SEC23B: variants seen among roughly 807,000 people sequenced by gnomAD.
SEC23B encodes the protein SEC23 homolog B, COPII component, also known as protein transport protein Sec23B.
SEC23B carries 77 observed loss-of-function variants against 104.3 expected under a neutral mutation model. The ratio of observed to expected loss-of-function variants is 0.74; its 90% CI spans 0.61 to 0.89. The LOEUF is 0.89. SEC23B is among the 40% of genes least tolerant of loss of function. The pLI is 0.00. For synonymous variants in SEC23B, 338 were observed against 332.5 expected (o/e 1.02, Z -0.18); for missense variants, 885 against 949.4 (o/e 0.93, Z 0.89).
chr20:18,535,680 T>G lies in SEC23B; in HGVS notation c.1342T>G (p.Trp448Gly). 2 of 1,614,126 alleles carry G rather than the reference T, an allele frequency of 1.2e-6. No homozygotes were observed. The highest frequency in any genetic ancestry group is 1.7e-6 in the Non-Finnish European group (2 of 1,179,980). The change falls in exon 12 of 20, where the codon TGG becomes GGG. Residue 448 changes from tryptophan to glycine, a missense_variant. Coordinates refer to ENST00000650089, the MANE Select transcript of SEC23B (RefSeq NM_006363.6). The part of the protein sequence containing the change: ...NELGVGGTSQ[W>G]KICGLDPTST... ...GCTTGGTGTTGGTGGCACGAGTCAG[T>G]GGAAAATCTGTGGCCTAGATCCTAC...
chr20:18,525,306 G>T (rs1046569641), intron 6 of SEC23B, among the ~76,000 whole-genome samples: 1 of 152,126 alleles, frequency 6.6e-6, no homozygotes, highest in African/African-American at 2.4e-5. Context: ...TTATGACCGG[G>T]TATTCACTTG....
At chr20:18,523,843 C>A (rs1442994615) in intron 4 of SEC23B, among the ~76,000 whole-genome samples, 1 of 151,928 alleles carries the variant, frequency 6.6e-6, no homozygotes, top group Admixed American at 6.6e-5. Flanking sequence ...TAGCTGGGAC[C>A]TTAGGCATAT....
At chr20:18,527,756 C>A in intron 9 of SEC23B, 145 bp downstream of exon 9, 1 of 748,310 alleles carries the variant, frequency 1.3e-6, no homozygotes, top group Non-Finnish European at 2.5e-6. Flanking sequence ...CTGGGGAGGG[C>A]CTGTGGGCTC....
At chr20:18,518,582 GTTTTTTTTT>G (rs57231166) in intron 4 of SEC23B, among the ~76,000 whole-genome samples, 7 of 92,658 alleles carry the variant, frequency 7.6e-5, no homozygotes, top group Non-Finnish European at 1.2e-4. Flanking sequence ...CTGGAAGGAG[GTTTTTTTTT>G]TTTTTTTTTT....
At position 18,526,393 on chromosome 20, in the gene SEC23B, A is replaced by AGAT; in HGVS notation, c.856_857insATG (p.Gly285_Ala286insAsp). 1 of 1,614,130 alleles carries AGAT rather than the reference A, an allele frequency of 6.2e-7. No individual in the cohort carries two copies. Among genetic ancestry groups the AGAT allele is most frequent in the Non-Finnish European group, 8.5e-7 (1 of 1,179,982 alleles). On this transcript the variant is annotated inframe_insertion, in exon 8 of 20. Transcript: ENST00000650089. ...TTTAGGGCACTTTTCCAAACACAGG[A>AGAT]GCCAGGATCATGCTGTTTACTGGAG... is the stretch of plus-strand genomic sequence containing the variant.
At chr20:18,517,632 T>G (rs1459304739) in intron 4 of SEC23B, among the ~76,000 whole-genome samples, 1 of 152,052 alleles carries the variant, frequency 6.6e-6, no homozygotes, top group Non-Finnish European at 1.5e-5. Context: ...GGGGGTGATA[T>G]GGAGAGATTA....
At position 18,537,240 on chromosome 20, in the gene SEC23B, GTATA is replaced by G. The variant is rs1480820771; in HGVS notation, c.1404+1501_1404+1504del. On this transcript the variant is annotated intron_variant, in intron 12 of 19. Transcript: ENST00000650089. ...TTTGACCCAGCCATCCCATTACTGGGTATATACCCAAAGGACTATAAATCATGCT... is the reference window on the plus strand; with the variant it reads ...TTTGACCCAGCCATCCCATTACTGGGTACCCAAAGGACTATAAATCATGCT... 3.3e-5 allele frequency among the ~76,000 whole-genome samples: 5 copies of G among 151,666 alleles called. No individual in the cohort carries two copies. In the East Asian group the frequency reaches 9.7e-4, roughly 29 times the overall value.
chr20:18,539,070 A>G (rs2060262853), intron 12 of SEC23B, among the ~76,000 whole-genome samples: 1 of 146,246 alleles, frequency 6.8e-6, no homozygotes, highest in Non-Finnish European at 1.5e-5. Flanking sequence ...AAAATTAGCC[A>G]CGCATCGTGG....
chr20:18,541,033 C>A (rs866654450), intron 12 of SEC23B, among the ~76,000 whole-genome samples: 1 of 152,240 alleles, frequency 6.6e-6, no homozygotes, highest in East Asian at 1.9e-4. Flanking sequence ...CATCAGTGAT[C>A]TTAGCTAATC....
intron 19 of SEC23B, among the ~76,000 whole-genome samples, chr20:18,557,512 T>G (rs1321926368): frequency 2.0e-5 from 3 of 152,138 alleles, no homozygotes; most frequent in Non-Finnish European, 2.9e-5. Context: ...TCTAGAGACC[T>G]TACCTCCCTT....
At chr20:18,559,075 G>T (rs1416332208) in intron 19 of SEC23B, among the ~76,000 whole-genome samples, 3 of 86,796 alleles carry the variant, frequency 3.5e-5, no homozygotes, top group Admixed American at 1.3e-4. Flanking sequence ...AGGGAAGGTG[G>T]TTGGTGGGGG....
intron 3 of SEC23B, 86 bp downstream of exon 3, chr20:18,512,368 C>A: frequency 1.2e-6 from 1 of 818,634 alleles, no homozygotes; most frequent in South Asian, 1.5e-5. Flanking sequence ...TTTGTGTTTA[C>A]ACTGGCAGTG....
intron 10 of SEC23B, among the ~76,000 whole-genome samples, chr20:18,531,431 C>T (rs1002720514): frequency 3.4e-5 from 5 of 147,186 alleles, no homozygotes; most frequent in Non-Finnish European, 6.0e-5. Flanking sequence ...CCGAGGTGGG[C>T]GGATCACCTG....
intron 13 of SEC23B, 122 bp from the exon 14 acceptor site, chr20:18,542,897 C>A: frequency 7.7e-7 from 1 of 1,304,640 alleles, no homozygotes; most frequent in South Asian, 1.2e-5. Context: ...CCTTGCCCTC[C>A]CAAAGTGTTG....
rs768361593 is a variant in SEC23B, at chr20:18,546,011, A to T, written c.1721A>T (p.Asp574Val). 6.4e-7 allele frequency: 1 copy of T among 1,574,426 alleles called. No homozygotes were observed. Among genetic ancestry groups the T allele is most frequent in the East Asian group, 2.2e-5 (1 of 44,658 alleles). ...GACCCCACTTCTTTTAGGTTATCAG[A>T]TTCCTTTTCTCTATATCCTCAGGTA... ...KEDPTSFRLS[D>V]SFSLYPQFMF... Residue 574 changes from aspartate to valine, a missense_variant, in exon 15 of 20, where the codon GAT becomes GTT. Physicochemically the swap from Asp to Val is radical, Grantham distance 152 (BLOSUM62 -3). Coordinates refer to ENST00000650089, the MANE Select transcript of SEC23B (RefSeq NM_006363.6).
At chr20:18,537,531 G>A (rs940130645) in intron 12 of SEC23B, among the ~76,000 whole-genome samples, 1 of 151,946 alleles carries the variant, frequency 6.6e-6, no homozygotes, top group East Asian at 1.9e-4. Flanking sequence ...GTGGGAATTG[G>A]ACATTGAGAA....
chr20:18,544,246 A>T (rs1223981287), intron 14 of SEC23B, among the ~76,000 whole-genome samples: 1 of 152,104 alleles, frequency 6.6e-6, no homozygotes, highest in East Asian at 1.9e-4. Flanking sequence ...CAGTAGGGAA[A>T]CCTGTTTCAT....
rs2060462080 is a variant in SEC23B, at chr20:18,558,513, C to T, written c.2215-2138C>T. 2.0e-5 allele frequency among the ~76,000 whole-genome samples: 3 copies of T among 152,290 alleles called. No individual in the cohort carries two copies. The South Asian group carries it at 6.2e-4, about 32-fold the overall frequency. On this transcript the variant is annotated intron_variant, in intron 19 of 19. Transcript: ENST00000650089. Reference sequence around the variant, plus strand: ...CTTTGAATGCCTTTTCACCTGCTCTCTTTTCTTTCTTTCTTGACATCCAGT... The same window carrying T: ...CTTTGAATGCCTTTTCACCTGCTCTTTTTTCTTTCTTTCTTGACATCCAGT...
intron 19 of SEC23B, among the ~76,000 whole-genome samples, chr20:18,557,707 A>G (rs1460938247): frequency 4.7e-5 from 7 of 150,122 alleles, no homozygotes; most frequent in South Asian, 2.1e-4. Context: ...CTTTCTTTTT[A>G]GAGATCTTTT....
Sources: allele counts gnomAD v4.1 joint callset (sites outside exome capture counted in the v4.1 genomes callset), GRCh38; gene constraint gnomAD v4.1.1; transcripts MANE v1.5; gene names NCBI Gene and HGNC (gene_info 2026-07-23, HGNC 2026-07-21).